ITPRID2: variants seen among roughly 807,000 people sequenced by gnomAD.
ITPRID2 encodes the protein protein ITPRID2.
In ITPRID2, 60 loss-of-function variants were observed where a neutral mutation model predicts 124.3. The ratio of observed to expected loss-of-function variants is 0.48; its 90% CI spans 0.39 to 0.60. The LOEUF (loss-of-function observed/expected upper bound fraction) is 0.60, where lower values mean the gene tolerates loss of function less well. Ranked by LOEUF, ITPRID2 falls within the 20% of genes least tolerant of loss-of-function variation. The pLI, the probability that ITPRID2 is intolerant of heterozygous loss-of-function variation, is 0.00. For synonymous variants in ITPRID2, 521 were observed against 542.9 expected (o/e 0.96, Z 0.56); for missense variants, 1,553 against 1,512.2 (o/e 1.03, Z -0.45).
Position 181,896,900 on chromosome 2 carries a change from T to C in ITPRID2, c.308-8T>C, listed in dbSNP as rs746627641. 1 of 1,611,840 alleles carries C rather than the reference T, an allele frequency of 6.2e-7. No homozygotes were observed. The highest frequency in any genetic ancestry group is 1.7e-5 in the Admixed American group (1 of 59,994). On this transcript the variant is annotated splice_region_variant and splice_polypyrimidine_tract_variant and intron_variant, in intron 3 of 17. Transcript: ENST00000431877. This position sits in a 1 kb window ranked among gnomAD's most constrained non-coding sequence, Gnocchi z 4.3. ...ACACCAGGATGAGTTTTCAAATGTG[T>C]CTTTCAGGTGTGCTTGTGAGAAATG... is the stretch of plus-strand genomic sequence containing the variant.
rs1458500500 is a variant in ITPRID2, at chr2:181,892,903, C to T, written c.257+243C>T. On this transcript the variant is annotated intron_variant, in intron 2 of 17. Transcript: ENST00000431877. The surrounding 1 kb of genome is among the most constrained non-coding windows in gnomAD (Gnocchi z 5.2). Reference sequence around the variant, plus strand: ...TTGAGCTACTCACGCATCGTGTTAGCATCAGAGATCAGAAATCCAGAACAG... The same window carrying T: ...TTGAGCTACTCACGCATCGTGTTAGTATCAGAGATCAGAAATCCAGAACAG... The T allele has an allele frequency of 8.6e-6, 5 of 580,424 alleles. No individual in the cohort carries two copies. Among genetic ancestry groups the T allele is most frequent in the Non-Finnish European group, 1.5e-5 (5 of 323,876 alleles). The allele number at this position is 580,424 out of a possible 1,614,324, so 36.0% of individuals were successfully genotyped here. A position where few individuals can be genotyped will look rare whatever the true frequency, so the allele number is the denominator to read the frequency against.
In ITPRID2 at chr2:181,911,707, G is replaced by A. The variant is rs1004606871; in HGVS notation, c.1486+1736G>A. On this transcript the variant is annotated intron_variant, in intron 9 of 17. Coordinates refer to ENST00000431877, the MANE Select transcript of ITPRID2 (RefSeq NM_001130445.3). ...GAACTGTGTTTTTGGAAACAGAAGT[G>A]TCTGACTAAAGAACCTAGATTGTGA... Among the ~76,000 whole-genome samples the A allele has an allele frequency of 2.6e-5, 4 of 152,328 alleles. No homozygotes were observed. The East Asian group carries it at 5.8e-4, about 22-fold the overall frequency.
In ITPRID2 at chr2:181,915,576, G is replaced by A. The variant is rs746469859; in HGVS notation, c.1936G>A (p.Val646Met). ...LLREASAESD[V>M]GKSSESEFTQ... Reference sequence around the variant, plus strand: ...GAGGGAAGCAAGTGCTGAAAGTGATGTGGGTAAAAGCAGTGAAAGTGAATT... The same window carrying A: ...GAGGGAAGCAAGTGCTGAAAGTGATATGGGTAAAAGCAGTGAAAGTGAATT... The change falls in exon 11 of 18, where the codon GTG becomes ATG. Residue 646 changes from valine to methionine, a missense_variant. Coordinates refer to ENST00000431877, the MANE Select transcript of ITPRID2 (RefSeq NM_001130445.3). 5 of 1,614,222 alleles carry A rather than the reference G, an allele frequency of 3.1e-6. No individual in the cohort carries two copies. The highest frequency in any genetic ancestry group is 4.2e-6 in the Non-Finnish European group (5 of 1,180,044).
chr2:181,916,446 TATC>T lies in ITPRID2; in HGVS notation c.2787+22_2787+24del, dbSNP rs777778778. On this transcript the variant is annotated intron_variant, in intron 11 of 17. Transcript: ENST00000431877. ...TTCACAGGTATGAGAAAAAGTATGT[TATC>T]ATTAGCTTTTTTCTTTTACTGCTCT... 1.9e-5 allele frequency: 31 copies of T among 1,599,170 alleles called. No individual in the cohort carries two copies. Among genetic ancestry groups the T allele is most frequent in the Non-Finnish European group, 2.3e-5 (27 of 1,172,454 alleles).
At position 181,910,770 on chromosome 2, in the gene ITPRID2, A is replaced by G; in HGVS notation, c.1486+799A>G. 2.0e-6 allele frequency: 1 copy of G among 503,218 alleles called. No homozygotes were observed. Among genetic ancestry groups the G allele is most frequent in the Non-Finnish European group, 3.6e-6 (1 of 279,774 alleles). 31.2% of individuals were successfully genotyped at this position (503,218 alleles called of 1,614,324 possible). Reference sequence around the variant, plus strand: ...TCTCTGAAATTACTTCACAGGAGACAATTTGCATAAATTTTTTTCTTTTAT... The same window carrying G: ...TCTCTGAAATTACTTCACAGGAGACGATTTGCATAAATTTTTTTCTTTTAT... On this transcript the variant is annotated intron_variant, in intron 9 of 17. Transcript: ENST00000431877. The surrounding 1 kb of genome is among the most constrained non-coding windows in gnomAD (Gnocchi z 4.1).
intron 16 of ITPRID2, among the ~76,000 whole-genome samples, chr2:181,927,334 A>T: frequency 6.6e-6 from 1 of 152,204 alleles, no homozygotes; most frequent in East Asian, 1.9e-4. Context: ...GGAAATACAC[A>T]TTTATAGCTT....
At position 181,918,918 on chromosome 2, in the gene ITPRID2, G is replaced by A. The variant is rs202093215; in HGVS notation, c.2993+36G>A. On this transcript the variant is annotated intron_variant, in intron 13 of 17. Coordinates refer to ENST00000431877, the MANE Select transcript of ITPRID2 (RefSeq NM_001130445.3). ...ATTTTGTCTTAGCACACCTCAAAAA[G>A]CTTTTCATTCAAAGTCTTCTCAACT... 1.1e-3 allele frequency: 1,729 copies of A among 1,600,826 alleles called. 3 individuals are homozygous for A. Among genetic ancestry groups the A allele is most frequent in the South Asian group, 1.2e-3 (107 of 88,218 alleles).
At position 181,891,784 on chromosome 2, in the gene ITPRID2, G is replaced by T. The variant is rs1691699054; in HGVS notation, c.-283G>T. The T allele has an allele frequency of 1.8e-5, 4 of 224,974 alleles. 1 individual carries two copies. The South Asian group carries it at 4.1e-4, about 23-fold the overall frequency. The allele number at this position is 224,974 out of a possible 1,614,324, so 13.9% of individuals were successfully genotyped here. On this transcript the variant is annotated 5_prime_UTR_variant, in exon 1 of 18. Transcript: ENST00000431877. The stretch of plus-strand genomic sequence containing the variant: ...GCGTCAGGCAGGGGGTGGGGAGCAG[G>T]GGCCGGGCGGGCGCTCGGCTCCCAG...
rs1347467964 is a variant in ITPRID2 at position 181,900,692 on chromosome 2, G to T, written c.504-4G>T. 5.1e-6 allele frequency: 8 copies of T among 1,581,374 alleles called. No individual in the cohort carries two copies. Among genetic ancestry groups the T allele is most frequent in the Admixed American group, 3.7e-5 (2 of 53,632 alleles). ...GTTTCCTTTTTTGCCCCCTTTTTTT[G>T]TAGTGTTTCAGAATTGTTGGAACTT... On this transcript the variant is annotated splice_polypyrimidine_tract_variant and splice_region_variant and intron_variant, in intron 6 of 17. Coordinates refer to ENST00000431877, the MANE Select transcript of ITPRID2 (RefSeq NM_001130445.3).
intron 8 of ITPRID2, among the ~76,000 whole-genome samples, chr2:181,903,281 T>G (rs1300395553): frequency 1.3e-5 from 2 of 152,188 alleles, no homozygotes; most frequent in Admixed American, 1.3e-4. Flanking sequence ...AGGCACATGG[T>G]AGTGGTCTCA....
rs1020666355 is a variant in ITPRID2, at chr2:181,910,719, G to A, written c.1486+748G>A. On this transcript the variant is annotated intron_variant, in intron 9 of 17. Coordinates refer to ENST00000431877, the MANE Select transcript of ITPRID2 (RefSeq NM_001130445.3). The surrounding 1 kb of genome is among the most constrained non-coding windows in gnomAD (Gnocchi z 4.1). ...ATTCGTATGTATGTTCCTAGAATAG[G>A]AAATTACATGTTTGTTGTCTCCTGA... is the stretch of plus-strand genomic sequence containing the variant. 2 of 604,906 alleles carry A rather than the reference G, an allele frequency of 3.3e-6. No homozygotes were observed. The highest frequency in any genetic ancestry group is 3.9e-5 in the African/African-American group (2 of 51,836). The allele number at this position is 604,906 out of a possible 1,614,324, so 37.5% of individuals were successfully genotyped here.
intron 16 of ITPRID2, among the ~76,000 whole-genome samples, chr2:181,924,016 T>G (rs1172986498): frequency 6.6e-6 from 1 of 152,204 alleles, no homozygotes; most frequent in Non-Finnish European, 1.5e-5. Context: ...TGCAAACACT[T>G]AAGCTGGTAT....
chr2:181,903,692 T>C (rs1181824254), intron 8 of ITPRID2, among the ~76,000 whole-genome samples: 1 of 152,172 alleles, frequency 6.6e-6, no homozygotes, highest in Non-Finnish European at 1.5e-5. Flanking sequence ...TTTTTTTCTT[T>C]TATTTCTTTG....
Position 181,920,594 on chromosome 2 carries a change from C to T in ITPRID2, c.3145-3C>T. On this transcript the variant is annotated splice_region_variant and splice_polypyrimidine_tract_variant and intron_variant, in intron 14 of 17. Coordinates refer to ENST00000431877, the MANE Select transcript of ITPRID2 (RefSeq NM_001130445.3). ...CATATATATATTGTTCTTACCTTTT[C>T]AGGGAATGTGTGGCAGTAGAAGCGC... 6.2e-7 allele frequency: 1 copy of T among 1,611,122 alleles called. No homozygotes were observed. Among genetic ancestry groups the T allele is most frequent in the South Asian group, 1.1e-5 (1 of 90,922 alleles).
chr2:181,895,553 A>G (rs920037782), intron 2 of ITPRID2, among the ~76,000 whole-genome samples: 2 of 151,974 alleles, frequency 1.3e-5, no homozygotes, highest in African/African-American at 2.4e-5. Flanking sequence ...TGATAGATTA[A>G]CAGATGAGGT....
rs751540469 is a variant in ITPRID2 at position 181,922,024 on chromosome 2, T to G, written c.3287T>G (p.Ile1096Ser). Residue 1096 changes from isoleucine (I) to serine (S), a missense_variant, in exon 16 of 18, where the codon ATT becomes AGT. Ile to Ser is a moderately radical substitution (Grantham distance 142, BLOSUM62 -2). Coordinates refer to ENST00000431877, the MANE Select transcript of ITPRID2 (RefSeq NM_001130445.3). The stretch of plus-strand genomic sequence containing the variant: ...GGACTTGGAGAAATGGGATTTGAAA[T>G]TCCTCCTGGAGAAAGCTCAGAATCT... ...GLGLGEMGFE[I>S]PPGESSESVF... 7 of 1,614,088 alleles carry G rather than the reference T, an allele frequency of 4.3e-6. No individual in the cohort carries two copies. In the African/African-American group the frequency reaches 9.3e-5, roughly 22 times the overall value.
At chr2:181,920,819 G>C (rs1161112865) in intron 15 of ITPRID2, among the ~76,000 whole-genome samples, 157 bp downstream of exon 15, 2 of 152,184 alleles carry the variant, frequency 1.3e-5, no homozygotes, top group African/African-American at 4.8e-5. Context: ...AAAGTCCATT[G>C]CTGTCTGAAG....
intron 8 of ITPRID2, among the ~76,000 whole-genome samples, chr2:181,903,558 G>A (rs1692853848): frequency 7.2e-6 from 1 of 138,280 alleles, no homozygotes; most frequent in Non-Finnish European, 1.6e-5. Flanking sequence ...TTCATTTATT[G>A]TAAAATTTCA....
intron 15 of ITPRID2, among the ~76,000 whole-genome samples, chr2:181,921,721 C>T (rs1202167295): frequency 6.6e-6 from 1 of 152,100 alleles, no homozygotes; most frequent in Non-Finnish European, 1.5e-5. Context: ...AAAATTTCAT[C>T]CTACTATGTA....
Sources: allele counts gnomAD v4.1 joint callset (sites outside exome capture counted in the v4.1 genomes callset), GRCh38; gene constraint gnomAD v4.1.1; non-coding constraint Gnocchi (gnomAD v3.1); transcripts MANE v1.5; gene names NCBI Gene and HGNC (gene_info 2026-07-23, HGNC 2026-07-21).